Variants in ZCWPW2 observed in about 807,000 individuals in gnomAD.
ZCWPW2 encodes zinc finger CW-type PWWP domain protein 2.
Under a neutral mutation model 46.6 loss-of-function variants are expected in ZCWPW2, and 45 were observed. That is an observed-to-expected ratio of 0.96 (90% CI 0.76 to 1.24). The LOEUF (loss-of-function observed/expected upper bound fraction) is 1.24, where lower values mean the gene tolerates loss of function less well. Among genes scored for constraint, ZCWPW2 ranks in the 50% most tolerant of loss-of-function variants. The pLI, the probability that ZCWPW2 is intolerant of heterozygous loss-of-function variation, is 0.00. For synonymous variants in ZCWPW2, 152 were observed against 137.1 expected (o/e 1.11, Z -0.76); for missense variants, 429 against 403.9 (o/e 1.06, Z -0.53).
At chr3:28,430,445 A>C (rs1019028684) in intron 3 of ZCWPW2, among the ~76,000 whole-genome samples, 11 of 152,220 alleles carry the variant, frequency 7.2e-5, no homozygotes, top group African/African-American at 2.7e-4. Context: ...TTTTGATTTC[A>C]CAGGCTTATA....
At chr3:28,455,569 C>G (rs1698391340) in intron 4 of ZCWPW2, among the ~76,000 whole-genome samples, 1 of 151,758 alleles carries the variant, frequency 6.6e-6, no homozygotes, top group Non-Finnish European at 1.5e-5. Flanking sequence ...TGCCTATGTT[C>G]TGAATGGTAT....
chr3:28,475,819 T>C (rs930183098), intron 4 of ZCWPW2, among the ~76,000 whole-genome samples: 2 of 152,172 alleles, frequency 1.3e-5, no homozygotes, highest in African/African-American at 4.8e-5. Flanking sequence ...TGATGAGAGT[T>C]ACCTTGACCA....
At chr3:28,453,852 A>AT (rs940543343) in intron 4 of ZCWPW2, among the ~76,000 whole-genome samples, 12 of 137,758 alleles carry the variant, frequency 8.7e-5, no homozygotes, top group South Asian at 2.2e-4. Flanking sequence ...TTTTATTATT[A>AT]TTTTTTTTTT....
intron 9 of ZCWPW2, among the ~76,000 whole-genome samples, chr3:28,522,452 C>T (rs1290982409): frequency 1.3e-5 from 2 of 152,008 alleles, no homozygotes; most frequent in Non-Finnish European, 2.9e-5. Context: ...CTGTCTGTTC[C>T]TAGATGTAGA....
chr3:28,410,534 T>G (rs1419989251), intron 2 of ZCWPW2, among the ~76,000 whole-genome samples: 1 of 151,932 alleles, frequency 6.6e-6, no homozygotes, highest in Non-Finnish European at 1.5e-5. Flanking sequence ...CAAAATACAA[T>G]TACATTAAAA....
At chr3:28,460,436 T>C (rs1698587234) in intron 4 of ZCWPW2, among the ~76,000 whole-genome samples, 1 of 152,160 alleles carries the variant, frequency 6.6e-6, no homozygotes, top group Admixed American at 6.6e-5. Context: ...AATATTTGCT[T>C]CAAGTATTCA....
Position 28,391,377 on chromosome 3 carries a change from ATG to A in ZCWPW2, c.-14+761_-14+762del, listed in dbSNP as rs148550883. Among the ~76,000 whole-genome samples the A allele has an allele frequency of 4.0e-3, 366 of 91,934 alleles. 1 individual carries two copies. The highest frequency in any genetic ancestry group is 0.01 in the African/African-American group (332 of 32,088). The allele number at this position is 91,934 out of a possible 152,430, so 60.3% of individuals were successfully genotyped here. A position where few individuals can be genotyped will look rare whatever the true frequency, so the allele number is the denominator to read the frequency against. On this transcript the variant is annotated intron_variant, in intron 2 of 9. Coordinates refer to ENST00000383768, the MANE Select transcript of ZCWPW2 (RefSeq NM_001040432.4). ...GCCACACACACACACACACACACACATGCACACACACACACACACACAAAGCC... is the reference window on the plus strand; with the variant it reads ...GCCACACACACACACACACACACACACACACACACACACACACACAAAGCC...
chr3:28,451,944 A>G (rs1215280791), intron 4 of ZCWPW2, among the ~76,000 whole-genome samples: 1 of 152,196 alleles, frequency 6.6e-6, no homozygotes, highest in Non-Finnish European at 1.5e-5. Context: ...AACTAATCCC[A>G]TAGTTGGCAT....
At chr3:28,411,928 ATTTAT>A (rs1696417536) in intron 2 of ZCWPW2, among the ~76,000 whole-genome samples, 1 of 152,054 alleles carries the variant, frequency 6.6e-6, no homozygotes, top group Non-Finnish European at 1.5e-5. Context: ...TCTTTTTAAA[ATTTAT>A]TTTATTACAT....
chr3:28,522,212 A>G (rs1224053642), intron 9 of ZCWPW2, among the ~76,000 whole-genome samples: 5 of 152,196 alleles, frequency 3.3e-5, no homozygotes, highest in Non-Finnish European at 5.9e-5. Flanking sequence ...ATGTGTACAT[A>G]TGTAACAAAC....
chr3:28,429,767 C>A (rs1460606662), intron 3 of ZCWPW2, among the ~76,000 whole-genome samples: 1 of 152,128 alleles, frequency 6.6e-6, no homozygotes, highest in Non-Finnish European at 1.5e-5. Context: ...TGTGTCCCAG[C>A]CATGGCTAAA....
chr3:28,454,828 T>C (rs1039614266), intron 4 of ZCWPW2, among the ~76,000 whole-genome samples: 1 of 152,250 alleles, frequency 6.6e-6, no homozygotes, highest in South Asian at 2.1e-4. Context: ...TTCCTTCTTA[T>C]GGCTGCATAG....
intron 3 of ZCWPW2, among the ~76,000 whole-genome samples, 190 bp from the exon 4 acceptor site, chr3:28,434,920 T>C (rs1290682963): frequency 6.6e-6 from 1 of 152,230 alleles, no homozygotes; most frequent in East Asian, 1.9e-4. Flanking sequence ...CAAAGCTTTC[T>C]ATAACTATAA....
chr3:28,390,324 A>G (rs972285745), intron 1 of ZCWPW2, among the ~76,000 whole-genome samples, 174 bp from the exon 2 acceptor site: 2 of 152,234 alleles, frequency 1.3e-5, no homozygotes, highest in African/African-American at 4.8e-5. Flanking sequence ...CTATTACCAT[A>G]TGAGTATGTC....
chr3:28,397,680 A>T (rs1266374078), intron 2 of ZCWPW2, among the ~76,000 whole-genome samples: 1 of 152,234 alleles, frequency 6.6e-6, no homozygotes, highest in African/African-American at 2.4e-5. Context: ...AAAAATAAAT[A>T]TATAATTAAA....
intron 1 of ZCWPW2, among the ~76,000 whole-genome samples, chr3:28,371,960 C>T (rs970684702): frequency 2.7e-5 from 4 of 148,180 alleles, no homozygotes; most frequent in African/African-American, 9.8e-5. Context: ...TCTTCTTCTT[C>T]CTTCTTCTTT....
At chr3:28,498,165 T>C (rs763526799) in intron 6 of ZCWPW2, among the ~76,000 whole-genome samples, 28 of 152,098 alleles carry the variant, frequency 1.8e-4, no homozygotes, top group Non-Finnish European at 2.9e-4. Context: ...CTGATGGTGT[T>C]ACCTGTAATA....
intron 2 of ZCWPW2, among the ~76,000 whole-genome samples, chr3:28,395,128 A>G (rs1695643899): frequency 6.6e-6 from 1 of 152,150 alleles, no homozygotes; most frequent in African/African-American, 2.4e-5. Flanking sequence ...AAGAAGACAT[A>G]TGAATGTCCC....
At chr3:28,401,158 G>A (rs1243936484) in intron 2 of ZCWPW2, among the ~76,000 whole-genome samples, 4 of 150,938 alleles carry the variant, frequency 2.7e-5, no homozygotes, top group East Asian at 1.9e-4. Context: ...CAGCCTGGGC[G>A]ACGAGCAAGA....
Sources: gnomAD v4.1 joint callset for allele counts (sites outside exome capture counted in the v4.1 genomes callset) on GRCh38, gnomAD v4.1.1 for gene constraint, MANE v1.5 for transcripts, NCBI Gene and HGNC (gene_info 2026-07-23, HGNC 2026-07-21) for gene names.